ZPBP: variants seen among roughly 807,000 people sequenced by gnomAD.
The protein encoded by ZPBP is zona pellucida binding protein.
In ZPBP, 26 loss-of-function variants were observed where a neutral mutation model predicts 44.8. The ratio of observed to expected loss-of-function variants is 0.58; its 90% CI spans 0.43 to 0.81. The LOEUF is 0.81. ZPBP is among the 30% of genes least tolerant of loss of function. The pLI is 0.00. For missense variants in ZPBP, 409 were observed against 434.0 expected, an observed-to-expected ratio of 0.94 and a Z score of 0.51; for synonymous variants, 174 against 153.2, an observed-to-expected ratio of 1.14 and a Z score of -1.00.
chr7:49,857,009 CAAAAAAAAAAAAAAAAAAA>C (rs59910243), intron 2 of ZPBP, among the ~76,000 whole-genome samples: 3 of 52,764 alleles, frequency 5.7e-5, no homozygotes, highest in Non-Finnish European at 9.4e-5. Flanking sequence ...GATACTGTCT[CAAAAAAAAAAAAAAAAAAA>C]AAAAAAAAAA....
intron 4 of ZPBP, among the ~76,000 whole-genome samples, chr7:50,051,975 T>TA (rs562872314): frequency 1.1e-4 from 17 of 151,582 alleles, no homozygotes; most frequent in East Asian, 5.8e-4. Flanking sequence ...AATTTTTTTT[T>TA]AAAAAAAGGA....
At chr7:50,005,835 G>A (rs1395295500) in intron 6 of ZPBP, among the ~76,000 whole-genome samples, 2 of 78,308 alleles carry the variant, frequency 2.6e-5, no homozygotes, top group African/African-American at 6.8e-5. Flanking sequence ...GTGTGTGTGT[G>A]TGTGTGTGTG....
rs562750901 is a variant in ZPBP, at chr7:49,999,718, GTTCTA to G, written c.784-16204_784-16200del. Among the ~76,000 whole-genome samples the G allele has an allele frequency of 2.7e-3, 401 of 148,436 alleles. 5 individuals carry two copies. The highest frequency in any genetic ancestry group is 0.024 in the Admixed American group (365 of 14,908). ...AACAAATCCTCCCTTCTTCTATTTT[GTTCTA>G]TTCAAGTTCTCAGTGGAGTGGATGG... On this transcript the variant is annotated intron_variant, in intron 6 of 7. Coordinates refer to ENST00000046087, the MANE Select transcript of ZPBP (RefSeq NM_007009.3).
In ZPBP at chr7:50,093,076, G is replaced by C; in HGVS notation, c.119C>G (p.Pro40Arg). 2 of 1,601,314 alleles carry C rather than the reference G, an allele frequency of 1.2e-6. No homozygotes were observed. Among genetic ancestry groups the C allele is most frequent in the South Asian group, 2.2e-5 (2 of 89,040 alleles). ...GCGGCGCGGACCCTCACCTGATGAG[G>C]GCACCCGCACCAGGAAGGCGGAGAT... ...LFISAFLVRV[P>R]SSVGHLVRLP... is the part of the protein sequence containing the mutation. Residue 40 changes from proline (P) to arginine (R), a missense_variant, in exon 1 of 8, where the codon CCC (proline) becomes CGC (arginine). Transcript: ENST00000046087.
rs377113018 is a variant in ZPBP, at chr7:50,089,159, G to A, written c.208+470C>T. Among the ~76,000 whole-genome samples, 3 of 152,034 alleles carry A rather than the reference G, an allele frequency of 2.0e-5. No individual in the cohort carries two copies. In the South Asian group the frequency reaches 6.2e-4, roughly 32 times the overall value. ...GTAAAATTACATAGGGGCAATGGTT[G>A]CCTAATCTTGTCAATATACTAAAAA... is the stretch of plus-strand genomic sequence containing the variant. On this transcript the variant is annotated intron_variant, in intron 2 of 7. Coordinates refer to ENST00000046087, the MANE Select transcript of ZPBP (RefSeq NM_007009.3).
the ZPBP span, among the ~76,000 whole-genome samples, chr7:49,843,818 A>C: frequency 6.6e-6 from 1 of 152,224 alleles, no homozygotes; most frequent in Non-Finnish European, 1.5e-5. Context: ...ATGTGATGAC[A>C]GTTCATCTTA....
intron 2 of ZPBP, among the ~76,000 whole-genome samples, chr7:49,876,232 T>A (rs1212957987): frequency 6.6e-6 from 1 of 152,138 alleles, no homozygotes; most frequent in Non-Finnish European, 1.5e-5. Flanking sequence ...GATACCGAAA[T>A]GTTTTGTCCA....
downstream of ZPBP, among the ~76,000 whole-genome samples, chr7:49,849,534 A>T (rs1790091650): frequency 1.3e-5 from 2 of 151,786 alleles, no homozygotes; most frequent in Non-Finnish European, 2.9e-5. Context: ...ATGCACCCCT[A>T]CTCCATGCCA....
At chr7:49,949,491 C>CT (rs1795239688) in intron 7 of ZPBP, among the ~76,000 whole-genome samples, 1 of 151,966 alleles carries the variant, frequency 6.6e-6, no homozygotes. Context: ...ATGGATGAAT[C>CT]TTAAAAATAT....
downstream of ZPBP, among the ~76,000 whole-genome samples, chr7:49,847,628 A>G (rs943614717): frequency 1.3e-5 from 2 of 152,224 alleles, no homozygotes; most frequent in African/African-American, 2.4e-5. Context: ...ACACAGGGGC[A>G]CGCTGGCCTG....
intron 6 of ZPBP, among the ~76,000 whole-genome samples, chr7:49,998,744 C>T (rs1304838388): frequency 6.6e-6 from 1 of 151,992 alleles, no homozygotes; most frequent in Non-Finnish European, 1.5e-5. Context: ...TCTAGTAAGA[C>T]TAGAGAGCCA....
chr7:50,046,441 A>C (rs1800364692), intron 4 of ZPBP, among the ~76,000 whole-genome samples: 1 of 146,872 alleles, frequency 6.8e-6, no homozygotes, highest in Non-Finnish European at 1.5e-5. Flanking sequence ...GAACTTAAAC[A>C]AATTTACAAG....
At chr7:49,945,431 C>A (rs1023532618) in intron 7 of ZPBP, among the ~76,000 whole-genome samples, 1 of 152,074 alleles carries the variant, frequency 6.6e-6, no homozygotes, top group Non-Finnish European at 1.5e-5. Context: ...TTGTCCAATG[C>A]TGCACTGAAA....
intron 7 of ZPBP, chr7:49,943,589 G>T: frequency 2.7e-6 from 1 of 367,284 alleles, no homozygotes. Context: ...AGACTTGCAT[G>T]GAAAGCAAGT....
intron 5 of ZPBP, among the ~76,000 whole-genome samples, chr7:50,024,076 A>G (rs1172515197): frequency 1.3e-5 from 2 of 151,998 alleles, no homozygotes; most frequent in Non-Finnish European, 2.9e-5. Context: ...CATCACCAAT[A>G]ATCAGGGAAA....
chr7:50,069,549 T>C (rs576307893), intron 3 of ZPBP, among the ~76,000 whole-genome samples: 5 of 152,358 alleles, frequency 3.3e-5, no homozygotes, highest in Non-Finnish European at 5.9e-5. Context: ...AATTTCTCTA[T>C]AGTGCCTTCG....
At chr7:50,023,022 A>T (rs929728567) in intron 5 of ZPBP, among the ~76,000 whole-genome samples, 1 of 152,054 alleles carries the variant, frequency 6.6e-6, no homozygotes, top group Non-Finnish European at 1.5e-5. Flanking sequence ...TAGCAAATGG[A>T]AGGAGAAAAG....
chr7:50,062,478 C>T (rs547161665), intron 3 of ZPBP, among the ~76,000 whole-genome samples: 1 of 152,252 alleles, frequency 6.6e-6, no homozygotes, highest in Non-Finnish European at 1.5e-5. Flanking sequence ...AAAACAGACA[C>T]ATAGACTAAT....
chr7:49,905,801 A>G (rs1793055090), intron 1 of ZPBP, among the ~76,000 whole-genome samples: 1 of 152,206 alleles, frequency 6.6e-6, no homozygotes, highest in Non-Finnish European at 1.5e-5. Context: ...AACAGGTCAT[A>G]AAGCCCTTGC....
Sources: gnomAD v4.1 joint callset for allele counts (sites outside exome capture counted in the v4.1 genomes callset) on GRCh38, gnomAD v4.1.1 for gene constraint, MANE v1.5 for transcripts, NCBI Gene and HGNC (gene_info 2026-07-23, HGNC 2026-07-21) for gene names.